The following CDH13 variants were observed in gnomAD, a reference collection of about 807,000 sequenced individuals.
CDH13 encodes the protein cadherin 13.
CDH13 carries 24 observed loss-of-function variants against 63.8 expected under a neutral mutation model. The ratio of observed to expected loss-of-function variants is 0.38; its 90% CI spans 0.27 to 0.53. The LOEUF is 0.53. Ranked by LOEUF, CDH13 falls within the 20% of genes least tolerant of loss-of-function variation. The pLI is 0.85. For missense variants in CDH13, 1,049 were observed against 903.1 expected (o/e 1.16, Z -2.07); for synonymous variants, 503 against 355.3 (o/e 1.42, Z -4.67).
At chr16:83,422,526 G>A (rs571431774) in intron 6 of CDH13, among the ~76,000 whole-genome samples, 36 of 152,138 alleles carry the variant, frequency 2.4e-4, no homozygotes, top group South Asian at 4.1e-4. Flanking sequence ...TTTCTTGCAC[G>A]AATTAATTAA....
chr16:83,527,598 A>G (rs768247403), intron 7 of CDH13, among the ~76,000 whole-genome samples: 3 of 152,236 alleles, frequency 2.0e-5, no homozygotes, highest in Admixed American at 6.5e-5. Flanking sequence ...TGATGGCATT[A>G]TAGAGATGGC....
intron 7 of CDH13, among the ~76,000 whole-genome samples, chr16:83,524,553 C>T (rs983719330): frequency 2.0e-5 from 3 of 150,834 alleles, no homozygotes; most frequent in African/African-American, 4.9e-5. Context: ...CCTGGGTTCA[C>T]GCCATTCTCC....
At chr16:82,743,591 T>C (rs968805311) in intron 1 of CDH13, among the ~76,000 whole-genome samples, 3 of 152,192 alleles carry the variant, frequency 2.0e-5, no homozygotes, top group Non-Finnish European at 4.4e-5. Flanking sequence ...TTAAAATATA[T>C]TTTTCACCTA....
At chr16:83,452,143 A>G (rs1426905671) in intron 6 of CDH13, among the ~76,000 whole-genome samples, 1 of 152,184 alleles carries the variant, frequency 6.6e-6, no homozygotes, top group Non-Finnish European at 1.5e-5. Flanking sequence ...AATATGATTA[A>G]TCTCAAGACT....
intron 11 of CDH13, among the ~76,000 whole-genome samples, chr16:83,748,629 T>A (rs1456560486): frequency 6.6e-6 from 1 of 152,194 alleles, no homozygotes; most frequent in East Asian, 1.9e-4. Flanking sequence ...TCACTGACCC[T>A]GACCATTGAA....
rs1224528199 is a variant in CDH13 at position 83,260,095 on chromosome 16, A to AAAACAC, written c.636+42599_636+42600insAACACA. ...TTTTTTTTTGTAACCATGTACCCCCAATACACACACACACACACACACACA... is the reference window on the plus strand; with the variant it reads ...TTTTTTTTTGTAACCATGTACCCCCAAAACACATACACACACACACACACACACACA... On this transcript the variant is annotated intron_variant, in intron 5 of 13. Coordinates refer to ENST00000567109, the MANE Select transcript of CDH13 (RefSeq NM_001257.5). Among the ~76,000 whole-genome samples the AAAACAC allele has an allele frequency of 3.8e-3, 223 of 58,812 alleles. 1 individual carries two copies. The highest frequency in any genetic ancestry group is 5.8e-3 in the Non-Finnish European group (145 of 24,880). 38.6% of individuals were successfully genotyped at this position (58,812 alleles called of 152,430 possible).
chr16:83,283,420 G>C (rs1454240754), intron 5 of CDH13, among the ~76,000 whole-genome samples: 1 of 152,108 alleles, frequency 6.6e-6, no homozygotes, highest in Non-Finnish European at 1.5e-5. Flanking sequence ...GTGAAACCCT[G>C]TCTCTACTAA....
intron 7 of CDH13, among the ~76,000 whole-genome samples, chr16:83,490,285 T>C (rs1460895617): frequency 6.6e-6 from 1 of 152,018 alleles, no homozygotes; most frequent in Non-Finnish European, 1.5e-5. Context: ...GCAAGATGAG[T>C]GGGGAGGTGG....
At chr16:83,581,183 G>T (rs1464788367) in intron 7 of CDH13, among the ~76,000 whole-genome samples, 1 of 152,178 alleles carries the variant, frequency 6.6e-6, no homozygotes, top group Admixed American at 6.5e-5. Context: ...TCCAACAAAT[G>T]CACGTGGGCA....
chr16:82,948,067 T>C (rs890240884), intron 2 of CDH13, among the ~76,000 whole-genome samples: 9 of 152,312 alleles, frequency 5.9e-5, no homozygotes, highest in African/African-American at 1.4e-4. Flanking sequence ...CATTCTTTAA[T>C]GGACATTGAA....
At chr16:83,789,336 T>G (rs1916097716) in intron 13 of CDH13, among the ~76,000 whole-genome samples, 1 of 96,838 alleles carries the variant, frequency 1.0e-5, no homozygotes, top group South Asian at 3.4e-4. Context: ...TTAGTAGCTT[T>G]CTTTTTTTTT....
intron 1 of CDH13, among the ~76,000 whole-genome samples, chr16:82,840,216 G>A (rs2038947382): frequency 6.6e-6 from 1 of 151,988 alleles, no homozygotes; most frequent in African/African-American, 2.4e-5. Flanking sequence ...GTGGCAAGCA[G>A]GTTTAGCAGG....
chr16:83,360,447 A>T (rs943978670), intron 6 of CDH13, among the ~76,000 whole-genome samples: 34 of 151,860 alleles, frequency 2.2e-4, no homozygotes, highest in African/African-American at 8.2e-4. Flanking sequence ...TCTATTTTTT[A>T]TCTGCTTTTT....
At chr16:83,314,972 G>A (rs530051331) in intron 5 of CDH13, among the ~76,000 whole-genome samples, 4 of 152,264 alleles carry the variant, frequency 2.6e-5, no homozygotes, top group Middle Eastern at 3.4e-3. Flanking sequence ...GACTTGGGAG[G>A]TGGGCAGAAC....
intron 2 of CDH13, among the ~76,000 whole-genome samples, chr16:82,892,099 C>T (rs1227195568): frequency 6.6e-6 from 1 of 152,066 alleles, no homozygotes; most frequent in East Asian, 1.9e-4. Context: ...TCAGCTCATC[C>T]CTTTATGAGC....
intron 3 of CDH13, among the ~76,000 whole-genome samples, chr16:83,055,963 A>G (rs8048812): frequency 0.12 from 17,942 of 152,222 alleles, 2,832 homozygotes; most frequent in African/African-American, 0.36. Context: ...GGTCTATTAC[A>G]GGACATTTAT....
intron 3 of CDH13, among the ~76,000 whole-genome samples, chr16:83,123,572 T>A (rs1192808040): frequency 6.6e-6 from 1 of 152,144 alleles, no homozygotes; most frequent in Admixed American, 6.5e-5. Flanking sequence ...AGCCACTGCA[T>A]CTGGCCCCAC....
chr16:82,713,813 A>C (rs972837365), intron 1 of CDH13, among the ~76,000 whole-genome samples: 2 of 148,912 alleles, frequency 1.3e-5, no homozygotes, highest in South Asian at 2.1e-4. Context: ...TGTGAAAAAA[A>C]AAACAAACAA....
chr16:83,198,513 A>T (rs1426250678), intron 4 of CDH13, among the ~76,000 whole-genome samples: 1 of 152,174 alleles, frequency 6.6e-6, no homozygotes, highest in Non-Finnish European at 1.5e-5. Context: ...TATTATTCAG[A>T]TCTCCAGTCC....
Sources: gnomAD v4.1 joint callset for allele counts (sites outside exome capture counted in the v4.1 genomes callset) on GRCh38, gnomAD v4.1.1 for gene constraint, MANE v1.5 for transcripts, NCBI Gene and HGNC (gene_info 2026-07-23, HGNC 2026-07-21) for gene names.